CRACD: variants seen among roughly 807,000 people sequenced by gnomAD.
CRACD encodes the protein capping protein-inhibiting regulator of actin dynamics.
Under a neutral mutation model 106.8 loss-of-function variants are expected in CRACD, and 56 were observed. The ratio of observed to expected loss-of-function variants is 0.52; its 90% CI spans 0.42 to 0.66. CRACD has a LOEUF of 0.66. CRACD is among the 30% of genes least tolerant of loss of function. The probability of loss-of-function intolerance (pLI) is 0.00; values close to 1 mark genes in which losing one functional copy is unlikely to be tolerated. For missense variants in CRACD, 1,730 were observed against 1,623.2 expected (o/e 1.07, Z -1.13); for synonymous variants, 754 against 670.8 (o/e 1.12, Z -1.92).
At chr4:56,146,197 C>A (rs963394776) in intron 1 of CRACD, among the ~76,000 whole-genome samples, 1 of 152,066 alleles carries the variant, frequency 6.6e-6, no homozygotes, top group African/African-American at 2.4e-5. Flanking sequence ...TCCAGCAATT[C>A]ATTAGACTTT....
At chr4:56,304,598 C>G (rs1744571454) in intron 4 of CRACD, among the ~76,000 whole-genome samples, 1 of 151,946 alleles carries the variant, frequency 6.6e-6, no homozygotes, top group African/African-American at 2.4e-5. Flanking sequence ...AGCAACATAG[C>G]AAGACCCCAC....
chr4:56,213,402 C>T (rs1585747), intron 2 of CRACD, among the ~76,000 whole-genome samples: 41,094 of 151,836 alleles, frequency 0.27, 6,168 homozygotes, highest in East Asian at 0.55. Flanking sequence ...GCCAAGATCA[C>T]GCCATTGCAC....
intron 1 of CRACD, among the ~76,000 whole-genome samples, chr4:56,156,241 C>T (rs556639207): frequency 6.6e-6 from 1 of 152,338 alleles, no homozygotes; most frequent in East Asian, 1.9e-4. Flanking sequence ...GGATTACAGG[C>T]ATGAGCCACC....
chr4:56,276,972 C>T (rs564191146), intron 3 of CRACD, among the ~76,000 whole-genome samples: 4 of 152,250 alleles, frequency 2.6e-5, no homozygotes, highest in South Asian at 2.1e-4. Flanking sequence ...CTGGAACAGT[C>T]GGGAAAGGGT....
At chr4:56,115,242 G>A (rs965616072) in intron 1 of CRACD, among the ~76,000 whole-genome samples, 3 of 152,134 alleles carry the variant, frequency 2.0e-5, no homozygotes, top group African/African-American at 7.2e-5. Context: ...CCAAATTGTT[G>A]TAGAACTATA....
chr4:56,203,049 A>T lies in CRACD; in HGVS notation c.-189+23619A>T, dbSNP rs565588265. ...TCTTATAGAAAAATCAGCTTTGATA[A>T]TGCATATTGCAATAAGAATTAGGAC... On this transcript the variant is annotated intron_variant, in intron 2 of 10. Transcript: ENST00000682029. Among the ~76,000 whole-genome samples, 283 of 152,342 alleles carry T rather than the reference A, an allele frequency of 1.9e-3. 2 individuals carry two copies. The highest frequency in any genetic ancestry group is 6.6e-3 in the African/African-American group (274 of 41,578).
chr4:56,295,918 G>C (rs867079513), intron 3 of CRACD, among the ~76,000 whole-genome samples: 4 of 152,008 alleles, frequency 2.6e-5, no homozygotes, highest in African/African-American at 9.7e-5. Context: ...TTTGAGGACA[G>C]GGAGATCATA....
At chr4:56,270,899 T>A (rs2109643878) in intron 2 of CRACD, among the ~76,000 whole-genome samples, 1 of 150,320 alleles carries the variant, frequency 6.7e-6, no homozygotes, top group East Asian at 2.0e-4. Context: ...CTGGCCAACA[T>A]GGTGAAGCAC....
intron 1 of CRACD, among the ~76,000 whole-genome samples, chr4:56,125,896 C>T (rs536054845): frequency 3.3e-5 from 5 of 151,422 alleles, no homozygotes; most frequent in East Asian, 2.0e-4. Flanking sequence ...CTCAGCCTCC[C>T]GAGTAGCTGG....
intron 5 of CRACD, chr4:56,309,171 G>A (rs971371839): frequency 1.1e-5 from 4 of 365,006 alleles, no homozygotes; most frequent in Admixed American, 1.0e-4. Context: ...GGACCCTAGT[G>A]GGAGCAAGGG....
At position 56,243,474 on chromosome 4, in the gene CRACD, C is replaced by G. The variant is rs148768408; in HGVS notation, c.-188-28847C>G. On this transcript the variant is annotated intron_variant, in intron 2 of 10. Coordinates refer to ENST00000682029, the MANE Select transcript of CRACD (RefSeq NM_001393381.1). Reference sequence around the variant, plus strand: ...TTGTTTGAGTCACTGTATTTTGGAGCCTCTTTTTTGTAGCAACTTAGTCTA... The same window carrying G: ...TTGTTTGAGTCACTGTATTTTGGAGGCTCTTTTTTGTAGCAACTTAGTCTA... 9.5e-4 allele frequency among the ~76,000 whole-genome samples: 145 copies of G among 152,194 alleles called. 1 individual carries two copies. The highest frequency in any genetic ancestry group is 3.2e-3 in the African/African-American group (134 of 41,514).
chr4:56,229,894 A>G (rs1345606426), intron 2 of CRACD, among the ~76,000 whole-genome samples: 2 of 152,220 alleles, frequency 1.3e-5, no homozygotes, highest in East Asian at 1.9e-4. Context: ...ATAGCTCTCC[A>G]GTACTCAGTT....
rs531074028 is a variant in CRACD at position 56,286,474 on chromosome 4, C to T, written c.-16-11740C>T. ...CCGGGAGGCAGAGCTTACAGTGAGC[C>T]GAGATCGCGCCACTGCACTACAGCC... On this transcript the variant is annotated intron_variant, in intron 3 of 10. Transcript: ENST00000682029. Among the ~76,000 whole-genome samples, 258 of 138,396 alleles carry T rather than the reference C, an allele frequency of 1.9e-3. 3 individuals are homozygous for T. The highest frequency in any genetic ancestry group is 6.7e-3 in the African/African-American group (247 of 37,036). The allele number at this position is 138,396 out of a possible 152,430, so 90.8% of individuals were successfully genotyped here. A position where few individuals can be genotyped will look rare whatever the true frequency, so the allele number is the denominator to read the frequency against.
rs139391923 is a variant in CRACD, at chr4:56,171,304, G to A, written c.-335-7980G>A. 3.3e-5 allele frequency among the ~76,000 whole-genome samples: 5 copies of A among 151,816 alleles called. 1 individual carries two copies. The highest frequency in any genetic ancestry group is 3.9e-4 in the East Asian group (2 of 5,168). ...AAAGACTATGGTCATTATAGCTGAC[G>A]AGGAACAGATACTTACTGTGAATAG... On this transcript the variant is annotated intron_variant, in intron 1 of 10. Transcript: ENST00000682029.
Position 56,327,723 on chromosome 4 carries a change from C to G in CRACD, c.3621C>G (p.Pro1207=). Reference sequence around the variant, plus strand: ...GGTTTTCCACCCCGGATGCTGCCCCCGTGTCAACAGAACCAGCCTGGCTGG... The same window carrying G: ...GGTTTTCCACCCCGGATGCTGCCCCGGTGTCAACAGAACCAGCCTGGCTGG... The part of the protein sequence containing the change: ...TKRFSTPDAA[P]VSTEPAWLAL... The change falls in exon 11 of 11, where the codon CCC becomes CCG. Residue 1207 remains proline, a synonymous_variant. Transcript: ENST00000682029. 3 of 1,614,116 alleles carry G rather than the reference C, an allele frequency of 1.9e-6. No homozygotes were observed. In the South Asian group the frequency reaches 3.3e-5, roughly 18 times the overall value.
intron 2 of CRACD, among the ~76,000 whole-genome samples, chr4:56,211,862 C>G (rs1738426144): frequency 6.6e-6 from 1 of 152,190 alleles, no homozygotes; most frequent in African/African-American, 2.4e-5. Context: ...GGCTCTCAAT[C>G]TGGTCCATGG....
chr4:56,116,050 T>G (rs959164574), intron 1 of CRACD, among the ~76,000 whole-genome samples: 1 of 152,226 alleles, frequency 6.6e-6, no homozygotes, highest in African/African-American at 2.4e-5. Context: ...CTTAAATAAT[T>G]GCTTTAACTA....
chr4:56,255,180 G>C (rs929435848), intron 2 of CRACD, among the ~76,000 whole-genome samples: 8 of 149,312 alleles, frequency 5.4e-5, no homozygotes, highest in Admixed American at 4.0e-4. Flanking sequence ...TAACTAAACA[G>C]TTATTTAATT....
In CRACD at chr4:56,214,681, C is replaced by CTCTCTCTCTATATA; in HGVS notation, c.-189+35252_-189+35253insCTCTCTCTATATAT. ...TCTCTCTCTCTCTCTCTCTCTCTCT[C>CTCTCTCTCTATATA]TATATATATATATATCAAACAGTTA... On this transcript the variant is annotated intron_variant, in intron 2 of 10. Transcript: ENST00000682029. Among the ~76,000 whole-genome samples the CTCTCTCTCTATATA allele has an allele frequency of 2.2e-3, 180 of 81,000 alleles. 4 individuals carry two copies. Among genetic ancestry groups the CTCTCTCTCTATATA allele is most frequent in the East Asian group, 0.02 (56 of 2,734 alleles). The allele number at this position is 81,000 out of a possible 152,430, so 53.1% of individuals were successfully genotyped here.
Sources: allele counts gnomAD v4.1 joint callset (sites outside exome capture counted in the v4.1 genomes callset), GRCh38; gene constraint gnomAD v4.1.1; transcripts MANE v1.5; gene names NCBI Gene and HGNC (gene_info 2026-07-23, HGNC 2026-07-21).